The following GDA variants were observed in gnomAD, a reference collection of about 807,000 sequenced individuals.
GDA encodes guanine deaminase, also known as cytoplasmic PSD-95 interactor.
In GDA, 18 loss-of-function variants were observed where a neutral mutation model predicts 59.6. The observed-to-expected ratio is 0.30, with a 90% CI of 0.21 to 0.45. The LOEUF (loss-of-function observed/expected upper bound fraction) is 0.45, where lower values mean the gene tolerates loss of function less well. Ranked by LOEUF, GDA falls within the 20% of genes least tolerant of loss-of-function variation. The pLI is 1.00. For missense variants in GDA, 427 were observed against 552.3 expected (o/e 0.77, Z 2.27); for synonymous variants, 201 against 201.1 (o/e 1.00, Z 0.00).
At chr9:72,114,618 G>A (rs11143117) in exon 1 of GDA, 5 of 151,376 alleles carry the variant, frequency 3.3e-5, no homozygotes, top group Admixed American at 2.6e-4. Flanking sequence ...AGTCTCCTGA[G>A]TAGCCGGGAC....
intron 1 of GDA, among the ~76,000 whole-genome samples, chr9:72,161,918 A>T (rs1325754595): frequency 6.6e-6 from 1 of 152,244 alleles, no homozygotes; most frequent in African/African-American, 2.4e-5. Flanking sequence ...ACATTCTCAG[A>T]TGGTTGTAGC....
At chr9:72,231,082 T>A in intron 9 of GDA, 32 bp from the exon 10 acceptor site, 1 of 1,250,318 alleles carries the variant, frequency 8.0e-7, no homozygotes, top group Non-Finnish European at 1.2e-6. Context: ...ACCACATGGA[T>A]CTCCTTGTTC....
chr9:72,201,936 C>T (rs1472071524), intron 2 of GDA, among the ~76,000 whole-genome samples: 1 of 152,156 alleles, frequency 6.6e-6, no homozygotes, highest in African/African-American at 2.4e-5. Flanking sequence ...ATGTAACTCC[C>T]TCTTCGCTTC....
At chr9:72,150,251 G>A (rs1827023451) in intron 1 of GDA, among the ~76,000 whole-genome samples, 1 of 151,554 alleles carries the variant, frequency 6.6e-6, no homozygotes, top group Non-Finnish European at 1.5e-5. Flanking sequence ...ATACTAGAAG[G>A]GATGGTCCGA....
At chr9:72,169,500 A>G (rs1829711020) in intron 1 of GDA, among the ~76,000 whole-genome samples, 1 of 152,224 alleles carries the variant, frequency 6.6e-6, no homozygotes, top group Admixed American at 6.5e-5. Flanking sequence ...TCTTTTGGAA[A>G]TAGAGCCATG....
chr9:72,161,722 C>A (rs941069101), intron 1 of GDA, among the ~76,000 whole-genome samples: 4 of 152,312 alleles, frequency 2.6e-5, no homozygotes, highest in East Asian at 1.9e-4. Flanking sequence ...ATGCCACTTA[C>A]AATTTACAGT....
intron 1 of GDA, among the ~76,000 whole-genome samples, chr9:72,167,615 A>G (rs954027785): frequency 6.6e-5 from 10 of 152,166 alleles, no homozygotes; most frequent in Non-Finnish European, 1.0e-4. Flanking sequence ...GCAATGTGTG[A>G]TTGGCATACA....
chr9:72,137,340 G>C (rs559277134), intron 1 of GDA, among the ~76,000 whole-genome samples: 1 of 130,748 alleles, frequency 7.6e-6, no homozygotes, highest in Admixed American at 9.3e-5. Flanking sequence ...TCCACCTCCC[G>C]GGTTCACACC....
At chr9:72,247,090 C>T (rs1273440166) in intron 12 of GDA, among the ~76,000 whole-genome samples, 7 of 152,134 alleles carry the variant, frequency 4.6e-5, no homozygotes, top group East Asian at 1.9e-4. Flanking sequence ...ACATCATACC[C>T]GTCTTGAAAT....
intron 1 of GDA, among the ~76,000 whole-genome samples, chr9:72,131,504 G>A (rs73647196): frequency 0.12 from 18,956 of 151,982 alleles, 2,479 homozygotes; most frequent in African/African-American, 0.33. Context: ...CTCCCACCAG[G>A]CCCCATCTCC....
chr9:72,181,054 T>A (rs1472400737), intron 1 of GDA, among the ~76,000 whole-genome samples: 1 of 152,236 alleles, frequency 6.6e-6, no homozygotes, highest in African/African-American at 2.4e-5. Context: ...TTTGATTTTT[T>A]AAAAATAGCA....
At chr9:72,125,547 A>G (rs867928370) in intron 1 of GDA, among the ~76,000 whole-genome samples, 1 of 152,182 alleles carries the variant, frequency 6.6e-6, no homozygotes, top group Non-Finnish European at 1.5e-5. Flanking sequence ...ATAACATTTT[A>G]TAGGCATAAA....
chr9:72,250,965 TA>T lies in GDA; in HGVS notation c.*2627del. The T allele has an allele frequency of 1.4e-6, 1 of 737,216 alleles. No individual in the cohort carries two copies. The highest frequency in any genetic ancestry group is 2.2e-6 in the Non-Finnish European group (1 of 446,052). 45.7% of individuals were successfully genotyped at this position (737,216 alleles called of 1,614,324 possible). ...TCAAACGAGAGGGAAACATGGGAAG[TA>T]AAAGATTAGGATGTGAAAGGTTGTC... On this transcript the variant is annotated 3_prime_UTR_variant, in exon 14 of 14. Transcript: ENST00000358399.
Position 72,250,354 on chromosome 9 carries a change from C to T in GDA, c.*2012C>T. 1 of 1,084,168 alleles carries T rather than the reference C, an allele frequency of 9.2e-7. No homozygotes were observed. The highest frequency in any genetic ancestry group is 2.8e-5 in the South Asian group (1 of 36,130). 67.2% of individuals were successfully genotyped at this position (1,084,168 alleles called of 1,614,324 possible). The stretch of plus-strand genomic sequence containing the variant: ...TCAGTTTTCATGTAGACTTAGGACT[C>T]ATGTGCAGTAAATATAAATAAGTGT... On this transcript the variant is annotated 3_prime_UTR_variant, in exon 14 of 14. Transcript: ENST00000358399.
chr9:72,114,938 AGAGT>A (rs1825383791), intron 1 of GDA: 1 of 152,162 alleles, frequency 6.6e-6, no homozygotes, highest in South Asian at 2.1e-4. Flanking sequence ...GGACAGAGAG[AGAGT>A]GTGTGCCTGG....
At chr9:72,114,800 A>G (rs1237879658) in exon 1 of GDA, 2 of 152,352 alleles carry the variant, frequency 1.3e-5, no homozygotes, top group Non-Finnish European at 2.9e-5. Context: ...ACTCCCCAGC[A>G]CTATAAGGAG....
At chr9:72,219,330 G>A (rs1836556921) in intron 5 of GDA, 149 bp from the exon 6 acceptor site, 2 of 544,874 alleles carry the variant, frequency 3.7e-6, no homozygotes, top group Admixed American at 6.8e-5. Context: ...GTGAACCCGG[G>A]AGGCGGAGCT....
In GDA at chr9:72,248,307, G is replaced by A. The variant is rs1840359580; in HGVS notation, c.1330G>A (p.Gly444Arg). 2 of 1,613,242 alleles carry A rather than the reference G, an allele frequency of 1.2e-6. No homozygotes were observed. The highest frequency in any genetic ancestry group is 1.7e-6 in the Non-Finnish European group (2 of 1,179,260). Residue 444 changes from glycine to arginine, a missense_variant, in exon 14 of 14, where the codon GGA (glycine) becomes AGA (arginine). Physicochemically the swap from Gly to Arg is moderately radical, Grantham distance 125. Coordinates refer to ENST00000358399, the MANE Select transcript of GDA (RefSeq NM_004293.5). ...AAATATTGAAGAGGTTTATGTGGGC[G>A]GAAAGCAGGTGGTTCCGTTTTCCAG... is the stretch of plus-strand genomic sequence containing the variant. ...DRNIEEVYVGGKQVVPFSSSV is the reference protein window; with the variant it reads ...DRNIEEVYVGRKQVVPFSSSV
chr9:72,225,896 T>A lies in GDA; in HGVS notation c.822+112T>A, dbSNP rs1039308121. The A allele has an allele frequency of 2.3e-5, 13 of 571,480 alleles. No individual in the cohort carries two copies. In the African/African-American group the frequency reaches 2.3e-4, roughly 10 times the overall value. The allele number at this position is 571,480 out of a possible 1,614,324, so 35.4% of individuals were successfully genotyped here. ...GATATGAATACATTTCTTTAAAAAT[T>A]TTTTTTAAAGTTTTAATTTTTGTGG... On this transcript the variant is annotated intron_variant, in intron 8 of 13. Transcript: ENST00000358399.
Sources: gnomAD v4.1 joint callset for allele counts (sites outside exome capture counted in the v4.1 genomes callset) on GRCh38, gnomAD v4.1.1 for gene constraint, MANE v1.5 for transcripts, NCBI Gene and HGNC (gene_info 2026-07-23, HGNC 2026-07-21) for gene names.